HTR4: variants seen among roughly 807,000 people sequenced by gnomAD.
HTR4 encodes the protein 5-hydroxytryptamine receptor 4.
In HTR4, 16 loss-of-function variants were observed where a neutral mutation model predicts 36.8. That is an observed-to-expected ratio of 0.43 (90% CI 0.29 to 0.66). The LOEUF (loss-of-function observed/expected upper bound fraction) is 0.66. Ranked by LOEUF, HTR4 falls within the 30% of genes least tolerant of loss-of-function variation. HTR4 has a pLI of 0.13. For synonymous variants in HTR4, 189 were observed against 185.1 expected (o/e 1.02, Z -0.17); for missense variants, 438 against 490.9 (o/e 0.89, Z 1.02).
rs779077579 is a variant in HTR4, at chr5:148,590,287, CTTTTTTTTTTTTTTTTTT to C, written c.27-40043_27-40026del. Among the ~76,000 whole-genome samples the C allele has an allele frequency of 6.0e-5, 2 of 33,320 alleles. 1 individual carries two copies. Among genetic ancestry groups the C allele is most frequent in the Non-Finnish European group, 1.1e-4 (2 of 18,800 alleles). 21.9% of individuals were successfully genotyped at this position (33,320 alleles called of 152,430 possible). ...GTATTATTATTTTCTTTTTTCTTTTCTTTTTTTTTTTTTTTTTTTTTTTTTTTTGAGACAGAGTTTTGC... is the reference window on the plus strand; with the variant it reads ...GTATTATTATTTTCTTTTTTCTTTTCTTTTTTTTTTGAGACAGAGTTTTGC... On this transcript the variant is annotated intron_variant, in intron 2 of 6. Coordinates refer to ENST00000377888, the MANE Select transcript of HTR4 (RefSeq NM_000870.7).
At chr5:148,573,623 G>A (rs1760767770) in intron 2 of HTR4, among the ~76,000 whole-genome samples, 1 of 152,146 alleles carries the variant, frequency 6.6e-6, no homozygotes, top group East Asian at 1.9e-4. Context: ...AAGGAGGATG[G>A]GGAGTGCAAA....
chr5:148,614,979 A>C (rs1480340611), intron 2 of HTR4, among the ~76,000 whole-genome samples: 1 of 140,922 alleles, frequency 7.1e-6, no homozygotes, highest in Non-Finnish European at 1.6e-5. Context: ...AACCACAATG[A>C]GATACCATCT....
chr5:148,501,054 A>G (rs1756914997), intron 6 of HTR4, among the ~76,000 whole-genome samples: 1 of 152,174 alleles, frequency 6.6e-6, no homozygotes, highest in Non-Finnish European at 1.5e-5. Context: ...CAAGGGCATT[A>G]CAAACAGTAC....
chr5:148,461,127 C>G (rs972249015), intron 5 of HTR4, among the ~76,000 whole-genome samples: 2 of 151,812 alleles, frequency 1.3e-5, no homozygotes, highest in Admixed American at 6.6e-5. Flanking sequence ...AGAAGTTAAA[C>G]TGATATGATA....
At position 148,577,666 on chromosome 5, in the gene HTR4, A is replaced by G. The variant is rs1427597236; in HGVS notation, c.27-27404T>C. Among the ~76,000 whole-genome samples, 3 of 152,132 alleles carry G rather than the reference A, an allele frequency of 2.0e-5. No homozygotes were observed. In the East Asian group the frequency reaches 5.8e-4, roughly 29 times the overall value. On this transcript the variant is annotated intron_variant, in intron 2 of 6. Coordinates refer to ENST00000377888, the MANE Select transcript of HTR4 (RefSeq NM_000870.7). ...TAAATAATAAGATCACGTCTTTTGC[A>G]GGAAAATGGATGGAGCTGGAGGCTA...
At chr5:148,610,285 G>A (rs1453100375) in intron 2 of HTR4, among the ~76,000 whole-genome samples, 1 of 152,160 alleles carries the variant, frequency 6.6e-6, no homozygotes, top group Non-Finnish European at 1.5e-5. Context: ...TTCCATCTGA[G>A]CTTTGAAGAG....
chr5:148,556,306 G>A (rs572781659), intron 2 of HTR4, among the ~76,000 whole-genome samples: 2 of 152,196 alleles, frequency 1.3e-5, no homozygotes, highest in South Asian at 4.2e-4. Flanking sequence ...TTACAGGCAT[G>A]AGCCACCACG....
intron 1 of HTR4, among the ~76,000 whole-genome samples, chr5:148,638,635 A>C (rs1753627148): frequency 6.6e-6 from 1 of 152,014 alleles, no homozygotes; most frequent in Non-Finnish European, 1.5e-5. Context: ...CGACACAAAA[A>C]CCTGCTCTTC....
At chr5:148,621,891 C>T (rs1037528208) in intron 2 of HTR4, among the ~76,000 whole-genome samples, 2 of 152,310 alleles carry the variant, frequency 1.3e-5, no homozygotes, top group South Asian at 2.1e-4. Context: ...ATTCAAAGGT[C>T]ATTTCAATAC....
At chr5:148,609,240 A>C (rs1752306000) in intron 2 of HTR4, among the ~76,000 whole-genome samples, 1 of 152,184 alleles carries the variant, frequency 6.6e-6, no homozygotes, top group South Asian at 2.1e-4. Flanking sequence ...ACCCAATTGA[A>C]TATTACCGGC....
intron 5 of HTR4, among the ~76,000 whole-genome samples, chr5:148,516,083 A>G (rs2113783633): frequency 6.6e-6 from 1 of 151,202 alleles, no homozygotes; most frequent in Middle Eastern, 3.5e-3. Context: ...GGTCTGTAAT[A>G]AAATTTTATC....
At chr5:148,504,051 T>A (rs1561582486) in intron 6 of HTR4, among the ~76,000 whole-genome samples, 1 of 152,168 alleles carries the variant, frequency 6.6e-6, no homozygotes, top group African/African-American at 2.4e-5. Context: ...AATGGGAGAC[T>A]TTAACACCCC....
intron 2 of HTR4, among the ~76,000 whole-genome samples, chr5:148,603,326 A>G (rs1317697123): frequency 6.6e-6 from 1 of 152,124 alleles, no homozygotes; most frequent in African/African-American, 2.4e-5. Flanking sequence ...AAAAAATGTT[A>G]TAATTACGAT....
At chr5:148,611,708 C>T (rs1752436571) in intron 2 of HTR4, among the ~76,000 whole-genome samples, 2 of 151,624 alleles carry the variant, frequency 1.3e-5, no homozygotes, top group Admixed American at 6.6e-5. Flanking sequence ...GGACTAAATG[C>T]TCCAATTAAA....
intron 5 of HTR4, among the ~76,000 whole-genome samples, chr5:148,456,063 C>T (rs879148691): frequency 1.3e-5 from 2 of 152,052 alleles, no homozygotes; most frequent in African/African-American, 4.8e-5. Flanking sequence ...AGTGGTTCCT[C>T]TCACCATGGT....
intron 5 of HTR4, among the ~76,000 whole-genome samples, chr5:148,464,631 G>A (rs1755375431): frequency 1.3e-5 from 2 of 152,162 alleles, no homozygotes; most frequent in Non-Finnish European, 2.9e-5. Flanking sequence ...TACAAAATTG[G>A]TTGGAATGCA....
chr5:148,564,083 C>A (rs1366307216), intron 2 of HTR4, among the ~76,000 whole-genome samples: 1 of 152,204 alleles, frequency 6.6e-6, no homozygotes, highest in African/African-American at 2.4e-5. Context: ...CTTATAATGT[C>A]TTCCCATTGC....
At chr5:148,648,711 TGAGCC>T (rs1330999906) in intron 1 of HTR4, among the ~76,000 whole-genome samples, 1 of 151,448 alleles carries the variant, frequency 6.6e-6, no homozygotes, top group African/African-American at 2.5e-5. Context: ...ACCACAAGGA[TGAGCC>T]CGTGGCAACT....
intron 5 of HTR4, among the ~76,000 whole-genome samples, chr5:148,469,587 G>A (rs1044314063): frequency 1.3e-5 from 2 of 152,196 alleles, no homozygotes; most frequent in Non-Finnish European, 2.9e-5. Flanking sequence ...GTTCCTACAC[G>A]GGGGTTGTGT....
Sources: allele counts gnomAD v4.1 joint callset (sites outside exome capture counted in the v4.1 genomes callset), GRCh38; gene constraint gnomAD v4.1.1; transcripts MANE v1.5; gene names NCBI Gene and HGNC (gene_info 2026-07-23, HGNC 2026-07-21).